Variants in HDAC4 observed in about 807,000 individuals in gnomAD.
The protein encoded by HDAC4 is histone deacetylase A.
HDAC4 carries 16 observed loss-of-function variants against 135.1 expected under a neutral mutation model. That is an observed-to-expected ratio of 0.12 (90% CI 0.08 to 0.18). The LOEUF (loss-of-function observed/expected upper bound fraction) is 0.18, where lower values mean the gene tolerates loss of function less well. HDAC4 is among the 10% of genes least tolerant of loss of function. HDAC4 has a pLI of 1.00. For synonymous variants in HDAC4, 685 were observed against 653.4 expected (o/e 1.05, Z -0.74); for missense variants, 1,143 against 1,511.8 (o/e 0.76, Z 4.05).
At chr2:239,227,782 G>T (rs2047326069) in intron 3 of HDAC4, among the ~76,000 whole-genome samples, 1 of 152,222 alleles carries the variant, frequency 6.6e-6, no homozygotes, top group South Asian at 2.1e-4. Context: ...GCCCTCTGAA[G>T]GCAAATGTGA....
At chr2:239,069,508 C>T (rs1334338732) in intron 22 of HDAC4, among the ~76,000 whole-genome samples, 1 of 121,318 alleles carries the variant, frequency 8.2e-6, no homozygotes, top group Non-Finnish European at 1.8e-5. Context: ...GAGAGGGAGT[C>T]ACGGTGCAAG....
intron 1 of HDAC4, among the ~76,000 whole-genome samples, chr2:239,399,943 A>C (rs1696830771): frequency 6.6e-6 from 1 of 152,242 alleles, no homozygotes; most frequent in African/African-American, 2.4e-5. Flanking sequence ...GCCTCAAGTT[A>C]TTACAAATTT....
At chr2:239,157,392 G>A (rs2042492926) in intron 6 of HDAC4, among the ~76,000 whole-genome samples, 2 of 152,202 alleles carry the variant, frequency 1.3e-5, no homozygotes, top group African/African-American at 4.8e-5. Flanking sequence ...GATACCCTGT[G>A]CCCAGGGAGC....
At chr2:239,291,713 C>T (rs1013032644) in intron 2 of HDAC4, among the ~76,000 whole-genome samples, 1 of 152,154 alleles carries the variant, frequency 6.6e-6, no homozygotes, top group African/African-American at 2.4e-5. Flanking sequence ...GCTGGCAGGT[C>T]GGGGGAAGGG....
intron 1 of HDAC4, among the ~76,000 whole-genome samples, chr2:239,358,748 G>A (rs1480069362): frequency 6.6e-6 from 1 of 152,142 alleles, no homozygotes; most frequent in Admixed American, 6.5e-5. Context: ...CTAACAGTGG[G>A]AAACCTGGTT....
intron 19 of HDAC4, chr2:239,085,941 TCTGA>T (rs1350828781): frequency 8.8e-5 from 13 of 147,616 alleles, no homozygotes; most frequent in East Asian, 2.0e-4. Flanking sequence ...AACACGCGGA[TCTGA>T]CTATCTCGCA....
intron 2 of HDAC4, among the ~76,000 whole-genome samples, chr2:239,305,195 G>A (rs149656107): frequency 3.3e-4 from 50 of 152,358 alleles, no homozygotes; most frequent in African/African-American, 1.2e-3. Flanking sequence ...TCTGAGGATT[G>A]CTGCTGTGTT....
chr2:239,289,737 T>C (rs1008379246), intron 2 of HDAC4, among the ~76,000 whole-genome samples: 2 of 152,008 alleles, frequency 1.3e-5, no homozygotes, highest in Admixed American at 1.3e-4. Context: ...CCCCCCAAAG[T>C]CCCCGCCTGA....
At chr2:239,085,280 C>A (rs2035824512) in intron 19 of HDAC4, among the ~76,000 whole-genome samples, 1 of 152,112 alleles carries the variant, frequency 6.6e-6, no homozygotes, top group South Asian at 2.1e-4. Context: ...GAGAGTCTTA[C>A]TCAAGAGACC....
At chr2:239,362,647 A>ACTTTGTGT (rs2125972015) in intron 1 of HDAC4, among the ~76,000 whole-genome samples, 1 of 152,318 alleles carries the variant, frequency 6.6e-6, no homozygotes, top group Non-Finnish European at 1.5e-5. Context: ...AACCAAAAGG[A>ACTTTGTGT]GAACCCAGAG....
chr2:239,313,151 G>C lies in HDAC4; in HGVS notation c.22+39527C>G, dbSNP rs2052966699. The stretch of plus-strand genomic sequence containing the variant: ...CGAGGTGGCGGAGGAGGAAGCTGCA[G>C]CCCGTTATCCACCGCCCAGTCTCTC... On this transcript the variant is annotated intron_variant, in intron 2 of 26. Transcript: ENST00000543185. This position sits in a 1 kb window ranked among gnomAD's most constrained non-coding sequence, Gnocchi z 5.1. 6.6e-6 allele frequency among the ~76,000 whole-genome samples: 1 copy of C among 152,198 alleles called. No individual in the cohort carries two copies. Among genetic ancestry groups the C allele is most frequent in the South Asian group, 2.1e-4 (1 of 4,826 alleles).
At chr2:239,348,502 G>A (rs1692882555) in intron 2 of HDAC4, among the ~76,000 whole-genome samples, 1 of 152,220 alleles carries the variant, frequency 6.6e-6, no homozygotes, top group Non-Finnish European at 1.5e-5. Context: ...GAAAGACAAG[G>A]ACAGTTACTT....
intron 2 of HDAC4, among the ~76,000 whole-genome samples, chr2:239,312,236 G>A (rs2052915834): frequency 6.6e-6 from 1 of 152,168 alleles, no homozygotes; most frequent in African/African-American, 2.4e-5. Context: ...ACGCTACAGA[G>A]GAAATGCAGC....
chr2:239,133,625 C>A (rs1575143349), intron 11 of HDAC4, among the ~76,000 whole-genome samples: 1 of 152,132 alleles, frequency 6.6e-6, no homozygotes, highest in East Asian at 1.9e-4. Context: ...CGCCACCACG[C>A]CCAGCTAATT....
At chr2:239,301,386 A>G (rs11124191) in intron 2 of HDAC4, among the ~76,000 whole-genome samples, 99,886 of 152,004 alleles carry the variant, frequency 0.66, 33,291 homozygotes, top group East Asian at 0.88. Flanking sequence ...AGCAGCCCAC[A>G]GCCAGTGATG....
At chr2:239,159,786 C>T (rs2042675339) in intron 6 of HDAC4, among the ~76,000 whole-genome samples, 1 of 152,222 alleles carries the variant, frequency 6.6e-6, no homozygotes, top group African/African-American at 2.4e-5. Flanking sequence ...CCTCACCTGA[C>T]CATAAATTAT....
chr2:239,359,193 G>A (rs1575746553), intron 1 of HDAC4, among the ~76,000 whole-genome samples: 2 of 152,346 alleles, frequency 1.3e-5, no homozygotes, highest in Admixed American at 1.3e-4. Context: ...AAAGAGAACT[G>A]TGTGACAGCC....
intron 14 of HDAC4, among the ~76,000 whole-genome samples, chr2:239,111,157 G>T (rs1029966025): frequency 6.6e-6 from 1 of 152,248 alleles, no homozygotes. Context: ...GGACGTGGGC[G>T]AAGTGTGAGG....
chr2:239,053,265 G>T (rs1339456905), intron 26 of HDAC4, 129 bp from the exon 27 acceptor site: 62 of 1,364,220 alleles, frequency 4.5e-5, no homozygotes, highest in Non-Finnish European at 6.1e-6. Flanking sequence ...GGCAGCCCCG[G>T]GTCCATCTGT....
Sources: gnomAD v4.1 joint callset for allele counts (sites outside exome capture counted in the v4.1 genomes callset) on GRCh38, gnomAD v4.1.1 for gene constraint, Gnocchi (gnomAD v3.1) non-coding constraint, MANE v1.5 for transcripts, NCBI Gene and HGNC (gene_info 2026-07-23, HGNC 2026-07-21) for gene names.